LRP1B: variants seen among roughly 807,000 people sequenced by gnomAD.
LRP1B encodes LDL receptor related protein 1B, also known as low-density lipoprotein receptor-related protein 1B.
LRP1B carries 217 observed loss-of-function variants against 556.6 expected under a neutral mutation model. The ratio of observed to expected loss-of-function variants is 0.39; its 90% CI spans 0.35 to 0.44. LRP1B has a LOEUF of 0.44. LRP1B is among the 20% of genes least tolerant of loss of function. The pLI is 1.00. For missense variants in LRP1B, 5,053 were observed against 5,620.8 expected, an observed-to-expected ratio of 0.90 and a Z score of 3.23; for synonymous variants, 2,047 against 1,865.8, an observed-to-expected ratio of 1.10 and a Z score of -2.50.
chr2:140,931,014 G>C (rs934478529), intron 20 of LRP1B, among the ~76,000 whole-genome samples: 2 of 152,056 alleles, frequency 1.3e-5, no homozygotes, highest in African/African-American at 4.8e-5. Flanking sequence ...AGTTTCTAGA[G>C]ATCCTCAGCA....
intron 86 of LRP1B, among the ~76,000 whole-genome samples, chr2:140,256,655 G>C (rs1041037436): frequency 1.3e-5 from 2 of 150,928 alleles, no homozygotes; most frequent in African/African-American, 4.9e-5. Context: ...TCTTAGTAGA[G>C]ATGGGGTTTC....
At position 140,766,509 on chromosome 2, in the gene LRP1B, C is replaced by G. The variant is rs188641767; in HGVS notation, c.5758+2704G>C. Among the ~76,000 whole-genome samples, 4 of 152,016 alleles carry G rather than the reference C, an allele frequency of 2.6e-5. No individual in the cohort carries two copies. The East Asian group carries it at 7.7e-4, about 29-fold the overall frequency. On this transcript the variant is annotated intron_variant, in intron 35 of 90. Transcript: ENST00000389484. The stretch of plus-strand genomic sequence containing the variant: ...ATAGCACCACCACCATCATGACCTT[C>G]ATTAGGGTTTCAGTTAGTTCAGCCT...
intron 1 of LRP1B, among the ~76,000 whole-genome samples, chr2:141,982,773 C>T (rs368011323): frequency 3.3e-5 from 5 of 152,128 alleles, no homozygotes; most frequent in East Asian, 3.8e-4. Context: ...AAAATAAAGT[C>T]ATTTCTATGT....
chr2:141,148,889 G>A (rs544895862), intron 7 of LRP1B, among the ~76,000 whole-genome samples: 1 of 152,106 alleles, frequency 6.6e-6, no homozygotes, highest in Non-Finnish European at 1.5e-5. Flanking sequence ...TTTAAGACCA[G>A]CCTGGCCAAC....
intron 3 of LRP1B, among the ~76,000 whole-genome samples, chr2:141,473,795 T>G (rs1426995073): frequency 6.6e-6 from 1 of 151,832 alleles, no homozygotes; most frequent in African/African-American, 2.4e-5. Flanking sequence ...ATACACTTAC[T>G]ATAACATTGC....
intron 21 of LRP1B, among the ~76,000 whole-genome samples, chr2:140,908,842 C>T (rs895784780): frequency 6.6e-6 from 1 of 152,134 alleles, no homozygotes; most frequent in Non-Finnish European, 1.5e-5. Context: ...TCTTGTTGCC[C>T]AGGCTGGAGT....
chr2:141,861,322 C>A (rs1698232216), intron 1 of LRP1B, among the ~76,000 whole-genome samples: 1 of 152,110 alleles, frequency 6.6e-6, no homozygotes, highest in African/African-American at 2.4e-5. Flanking sequence ...TCTATTAGGA[C>A]CCTACATTCA....
chr2:140,851,902 T>C, intron 27 of LRP1B, 119 bp from the exon 28 acceptor site: 1 of 720,254 alleles, frequency 1.4e-6, no homozygotes, highest in Non-Finnish European at 2.2e-6. Flanking sequence ...ATAGAACCCA[T>C]TAGTAGGGTG....
At chr2:140,298,943 T>C (rs923176908) in intron 83 of LRP1B, among the ~76,000 whole-genome samples, 20 of 151,970 alleles carry the variant, frequency 1.3e-4, no homozygotes, top group Admixed American at 6.6e-4. Context: ...AGAAACAACA[T>C]GAAAGAGTAT....
chr2:140,589,009 G>A (rs1348572688), intron 43 of LRP1B, among the ~76,000 whole-genome samples: 3 of 149,882 alleles, frequency 2.0e-5, no homozygotes, highest in Non-Finnish European at 4.4e-5. Flanking sequence ...CAAAAAAGTG[G>A]ACCTTGACCT....
chr2:141,757,662 T>C (rs1310479923), intron 2 of LRP1B, among the ~76,000 whole-genome samples: 2 of 152,056 alleles, frequency 1.3e-5, no homozygotes, highest in Non-Finnish European at 2.9e-5. Flanking sequence ...ATCTCCCAAA[T>C]AGCCGGGACT....
At chr2:140,279,012 C>T (rs1039343806) in intron 84 of LRP1B, among the ~76,000 whole-genome samples, 21 of 151,884 alleles carry the variant, frequency 1.4e-4, no homozygotes, top group Non-Finnish European at 1.0e-4. Flanking sequence ...TTCTGCACCC[C>T]GGTTAGGATT....
At position 141,254,560 on chromosome 2, in the gene LRP1B, T is replaced by A; in HGVS notation, c.425A>T (p.Asp142Val). 1 of 1,612,142 alleles carries A rather than the reference T, an allele frequency of 6.2e-7. No homozygotes were observed. Among genetic ancestry groups the A allele is most frequent in the Admixed American group, 1.7e-5 (1 of 59,882 alleles). ...CCCATCTTCTGTTATTTCGAATCCA[T>A]CCTCACAGTAACATCTTGTACTATT... Reference protein sequence around the residue: ...VRNSTRCYCEDGFEITEDGRS... With the variant: ...VRNSTRCYCEVGFEITEDGRS... Residue 142 changes from aspartate (D) to valine (V), a missense_variant, in exon 4 of 91, where the codon GAT (aspartate) becomes GTT (valine). Physicochemically the swap from Asp to Val is radical, Grantham distance 152. Around this residue, in one of 5 missense-constraint regions of LRP1B, gnomAD observed 3,619 missense variants for 3,931.9 expected, o/e 0.92. Transcript: ENST00000389484.
At chr2:141,564,695 T>C (rs1686271413) in intron 2 of LRP1B, among the ~76,000 whole-genome samples, 1 of 152,066 alleles carries the variant, frequency 6.6e-6, no homozygotes, top group Non-Finnish European at 1.5e-5. Context: ...TAAAAGCATG[T>C]GTCAGACACA....
chr2:141,474,083 TC>T (rs1682609269), intron 3 of LRP1B, among the ~76,000 whole-genome samples: 1 of 143,868 alleles, frequency 7.0e-6, no homozygotes, highest in African/African-American at 2.5e-5. Flanking sequence ...CTTTCCTCCC[TC>T]CCTTCCTTTC....
chr2:141,520,867 G>A (rs754879881), intron 2 of LRP1B, among the ~76,000 whole-genome samples: 1 of 151,934 alleles, frequency 6.6e-6, no homozygotes, highest in Admixed American at 6.6e-5. Context: ...GAAAAAAGCA[G>A]GTCAGTGTGC....
intron 2 of LRP1B, among the ~76,000 whole-genome samples, chr2:141,764,235 C>A (rs1694659294): frequency 6.6e-6 from 1 of 151,992 alleles, no homozygotes; most frequent in African/African-American, 2.4e-5. Context: ...GGCTGGAGTG[C>A]AGTGGGGCGA....
At chr2:141,164,194 A>G (rs1408990590) in intron 7 of LRP1B, among the ~76,000 whole-genome samples, 1 of 152,078 alleles carries the variant, frequency 6.6e-6, no homozygotes, top group Non-Finnish European at 1.5e-5. Context: ...TAATGATCCC[A>G]TAATAAATAA....
intron 1 of LRP1B, among the ~76,000 whole-genome samples, chr2:141,935,070 A>T (rs1325133641): frequency 6.7e-6 from 1 of 149,128 alleles, no homozygotes; most frequent in Non-Finnish European, 1.5e-5. Context: ...AAAAAATGAC[A>T]GTAAGACAGA....
Sources: gnomAD v4.1 joint callset for allele counts (sites outside exome capture counted in the v4.1 genomes callset) on GRCh38, gnomAD v4.1.1 for gene constraint, gnomAD v4.1.1 regional missense constraint, MANE v1.5 for transcripts, NCBI Gene and HGNC (gene_info 2026-07-23, HGNC 2026-07-21) for gene names.